RNF31: variants seen among roughly 807,000 people sequenced by gnomAD.
RNF31 encodes the protein E3 ubiquitin-protein ligase RNF31.
A neutral mutation model predicts 133.6 loss-of-function variants in RNF31; 38 were observed. The ratio of observed to expected loss-of-function variants is 0.28; its 90% CI spans 0.22 to 0.37. The LOEUF (loss-of-function observed/expected upper bound fraction) is 0.37, where lower values mean the gene tolerates loss of function less well. Ranked by LOEUF, RNF31 falls within the 10% of genes least tolerant of loss-of-function variation. The pLI, the probability that RNF31 is intolerant of heterozygous loss-of-function variation, is 1.00. For synonymous variants in RNF31, 582 were observed against 552.3 expected, an observed-to-expected ratio of 1.05 and a Z score of -0.75; for missense variants, 1,118 against 1,394.1, an observed-to-expected ratio of 0.80 and a Z score of 3.15.
intron 15 of RNF31, 55 bp downstream of exon 15, chr14:24,157,459 C>T: frequency 6.2e-7 from 1 of 1,603,520 alleles, no homozygotes; most frequent in East Asian, 2.2e-5. Flanking sequence ...GCCAGCAGCT[C>T]TCTTCCTGAG....
chr14:24,150,535 C>CCTGTATTT, intron 7 of RNF31, 63 bp from the exon 8 acceptor site: 1 of 1,577,984 alleles, frequency 6.3e-7, no homozygotes, highest in African/African-American at 1.3e-5. Flanking sequence ...CTCCCAACTC[C>CCTGTATTT]CTGTATTTCT....
rs540687617 is a variant in RNF31, at chr14:24,147,899, C to T, written c.192+9C>T. ...GCAACGCTCATGGGGAGGTGAGGCCCGGCCCCGCTTGGAAGGGGGACACCA... is the reference window on the plus strand; with the variant it reads ...GCAACGCTCATGGGGAGGTGAGGCCTGGCCCCGCTTGGAAGGGGGACACCA... On this transcript the variant is annotated intron_variant, in intron 1 of 20. Coordinates refer to ENST00000324103, the MANE Select transcript of RNF31 (RefSeq NM_017999.5). 5 of 1,612,176 alleles carry T rather than the reference C, an allele frequency of 3.1e-6. No individual in the cohort carries two copies. The highest frequency in any genetic ancestry group is 2.2e-5 in the East Asian group (1 of 44,848).
rs1368484846 is a variant in RNF31 at position 24,148,827 on chromosome 14, C to T, written c.582C>T (p.Pro194=). ...DDMLQLSEFD[P]LLREIAPGPL... The stretch of plus-strand genomic sequence containing the variant: ...TGCTGCAGCTTTCAGAATTTGACCC[C>T]CTATTGAGAGAGATTGCTCCTGGCC... Residue 194 remains proline (P), a synonymous_variant, in exon 5 of 21, where the codon CCC becomes CCT. Transcript: ENST00000324103. The T allele has an allele frequency of 1.2e-5, 19 of 1,613,994 alleles. No individual in the cohort carries two copies. Among genetic ancestry groups the T allele is most frequent in the African/African-American group, 2.7e-5 (2 of 74,894 alleles).
chr14:24,146,943 A>G, upstream of RNF31: 1 of 312,324 alleles, frequency 3.2e-6, no homozygotes, highest in South Asian at 3.7e-5. Flanking sequence ...GGGGGTATTC[A>G]GTGGCGGGGC....
intron 6 of RNF31, 108 bp from the exon 7 acceptor site, chr14:24,149,953 A>G (rs1309804281): frequency 7.5e-7 from 1 of 1,335,204 alleles, no homozygotes; most frequent in African/African-American, 1.5e-5. Flanking sequence ...CAATGTGTGC[A>G]AAGGCCAGTG....
Position 24,160,412 on chromosome 14 carries a change from A to G in RNF31, c.3165+5A>G. The G allele has an allele frequency of 6.2e-6, 10 of 1,613,298 alleles. No individual in the cohort carries two copies. Among genetic ancestry groups the G allele is most frequent in the Non-Finnish European group, 8.5e-6 (10 of 1,179,384 alleles). On this transcript the variant is annotated splice_donor_5th_base_variant and intron_variant, in intron 20 of 20. Coordinates refer to ENST00000324103, the MANE Select transcript of RNF31 (RefSeq NM_017999.5). This position sits in a 1 kb window ranked among gnomAD's most constrained non-coding sequence, Gnocchi z 4.0. ...TACCAGGCCCGCTTGTTACAGGTAT[A>G]GCCTCCACCCAGCCTCATCTCTTAA... is the stretch of plus-strand genomic sequence containing the variant.
Position 24,155,667 on chromosome 14 carries a change from CCTT to C in RNF31, c.2471_2473del (p.Phe824del). 6.2e-7 allele frequency: 1 copy of C among 1,614,162 alleles called. No individual in the cohort carries two copies. Among genetic ancestry groups the C allele is most frequent in the Non-Finnish European group, 8.5e-7 (1 of 1,180,010 alleles). ...GCAACTTGTCCCCAGTGTCACCAGA[CCTT>C]CTGTGTGCGCTGCAAGCGCCAGGTG... On this transcript the variant is annotated inframe_deletion, in exon 14 of 21. Transcript: ENST00000324103. The surrounding 1 kb of genome is among the most constrained non-coding windows in gnomAD (Gnocchi z 4.9).
intron 5 of RNF31, chr14:24,149,167 T>C: frequency 1.7e-6 from 1 of 595,918 alleles, no homozygotes; most frequent in Non-Finnish European, 3.0e-6. Context: ...TTCTCCATGT[T>C]GGTCAGGCTG....
In RNF31 at chr14:24,159,980, G is replaced by A; in HGVS notation, c.2996+20G>A. On this transcript the variant is annotated intron_variant, in intron 19 of 20. Transcript: ENST00000324103. The stretch of plus-strand genomic sequence containing the variant: ...GTGCCAGTGAGTGCCAGCAGGACAT[G>A]GGCATGGTGTTGGGCAGTGGGTAGA... The A allele has an allele frequency of 6.2e-7, 1 of 1,608,602 alleles. No individual in the cohort carries two copies. Among genetic ancestry groups the A allele is most frequent in the Non-Finnish European group, 8.5e-7 (1 of 1,176,856 alleles).
rs1363313799 is a variant in RNF31, at chr14:24,157,637, A to G, written c.2726A>G (p.Asn909Ser). 3.7e-6 allele frequency: 6 copies of G among 1,613,140 alleles called. No individual in the cohort carries two copies. The highest frequency in any genetic ancestry group is 1.1e-5 in the South Asian group (1 of 91,066). The change falls in exon 16 of 21, where the codon AAT (asparagine) becomes AGT (serine). Residue 909 changes from asparagine to serine, a missense_variant and splice_region_variant. By Grantham distance (46) the Asn-to-Ser change is conservative (BLOSUM62 1). Around this residue, in one of 3 missense-constraint regions of RNF31, gnomAD observed 201 missense variants for 371.7 expected, o/e 0.54. Coordinates refer to ENST00000324103, the MANE Select transcript of RNF31 (RefSeq NM_017999.5). ...SGCYNAFYAK[N>S]KCPEPNCRVK... The stretch of plus-strand genomic sequence containing the variant: ...TGCTACAATGCCTTTTACGCCAAGA[A>G]TGTAAGCCCAGAGAGTTGGGGAAGG...
intron 14 of RNF31, among the ~76,000 whole-genome samples, chr14:24,156,371 C>T (rs868162680): frequency 2.5e-4 from 38 of 152,336 alleles, no homozygotes; most frequent in African/African-American, 7.7e-4. Context: ...CTGGTGCAGT[C>T]ACAGCTCACT....
At chr14:24,157,203 A>G in intron 14 of RNF31, 87 bp from the exon 15 acceptor site, 1 of 941,536 alleles carries the variant, frequency 1.1e-6, no homozygotes, top group Admixed American at 2.7e-5. Flanking sequence ...CAAGCTGGGG[A>G]ACCACTGGAT....
intron 14 of RNF31, among the ~76,000 whole-genome samples, chr14:24,156,778 CAA>C (rs901356904): frequency 3.3e-5 from 4 of 122,254 alleles, no homozygotes; most frequent in Admixed American, 8.6e-5. Flanking sequence ...GACTCCATCT[CAA>C]AAAAAAAAAA....
At chr14:24,154,161 ATT>A (rs34626307) in intron 11 of RNF31, among the ~76,000 whole-genome samples, 2 of 145,760 alleles carry the variant, frequency 1.4e-5, no homozygotes, top group Non-Finnish European at 1.5e-5. Flanking sequence ...TGCCCGGCTA[ATT>A]TTTTTTTTTT....
rs1215535979 is a variant in RNF31 at position 24,150,271 on chromosome 14, A to G, written c.1020A>G (p.Gln340=). Residue 340 remains glutamine, a synonymous_variant, in exon 7 of 21, where the codon CAA becomes CAG. Transcript: ENST00000324103. ...KGLGLGTEGP[Q]GTGGLEPDLA... Reference sequence around the variant, plus strand: ...TGGGGTTGGGAACTGAGGGTCCCCAAGGAACTGGAGGCCTAGAACCTGATC... The same window carrying G: ...TGGGGTTGGGAACTGAGGGTCCCCAGGGAACTGGAGGCCTAGAACCTGATC... 6.2e-7 allele frequency: 1 copy of G among 1,614,088 alleles called. No individual in the cohort carries two copies. Among genetic ancestry groups the G allele is most frequent in the Non-Finnish European group, 8.5e-7 (1 of 1,179,996 alleles).
rs2038243809 is a variant in RNF31 at position 24,150,319 on chromosome 14, C to T, written c.1068C>T (p.Cys356=). ...EPDLARGRWA[C]QSCTFENEAA... is the part of the protein sequence containing the mutation. Reference sequence around the variant, plus strand: ...ATCTTGCACGGGGTCGGTGGGCCTGCCAGAGCTGTACCTTTGAGAATGAGG... The same window carrying T: ...ATCTTGCACGGGGTCGGTGGGCCTGTCAGAGCTGTACCTTTGAGAATGAGG... The change falls in exon 7 of 21, where the codon TGC becomes TGT. Residue 356 remains cysteine (C), a synonymous_variant. Transcript: ENST00000324103. 6.2e-7 allele frequency: 1 copy of T among 1,614,166 alleles called. No homozygotes were observed. The highest frequency in any genetic ancestry group is 8.5e-7 in the Non-Finnish European group (1 of 1,180,028).
In RNF31 at chr14:24,148,707, G is replaced by A. The variant is rs1187702635; in HGVS notation, c.555+6G>A. On this transcript the variant is annotated splice_donor_region_variant and intron_variant, in intron 4 of 20. Coordinates refer to ENST00000324103, the MANE Select transcript of RNF31 (RefSeq NM_017999.5). ...AAGACAAGGTTGAAGATGATGTAAG[G>A]AAGGCAGGAAAGGGGCTGGTGTACA... The A allele has an allele frequency of 2.5e-6, 4 of 1,614,072 alleles. No homozygotes were observed. The highest frequency in any genetic ancestry group is 1.3e-5 in the African/African-American group (1 of 74,932).
At chr14:24,159,325 C>T (rs1186923743) in intron 18 of RNF31, among the ~76,000 whole-genome samples, 3 of 140,748 alleles carry the variant, frequency 2.1e-5, no homozygotes, top group African/African-American at 8.6e-5. Flanking sequence ...CCAGTCCAGC[C>T]TGGGCAACAA....
chr14:24,155,145 C>T lies in RNF31; in HGVS notation c.2131-12C>T, dbSNP rs1236393545. On this transcript the variant is annotated splice_polypyrimidine_tract_variant and intron_variant, in intron 11 of 20. Coordinates refer to ENST00000324103, the MANE Select transcript of RNF31 (RefSeq NM_017999.5). The surrounding 1 kb of genome is among the most constrained non-coding windows in gnomAD (Gnocchi z 4.9). ...CTTCTGACCCCCTCCCCTCCAACCCCTCACCCTCCAGATGCAGGCCCTGAC... is the reference window on the plus strand; with the variant it reads ...CTTCTGACCCCCTCCCCTCCAACCCTTCACCCTCCAGATGCAGGCCCTGAC... The T allele has an allele frequency of 6.2e-7, 1 of 1,612,392 alleles. No individual in the cohort carries two copies. Among genetic ancestry groups the T allele is most frequent in the Admixed American group, 1.7e-5 (1 of 59,968 alleles).
Sources: gnomAD v4.1 joint callset for allele counts (sites outside exome capture counted in the v4.1 genomes callset) on GRCh38, gnomAD v4.1.1 for gene constraint, gnomAD v4.1.1 regional missense constraint, Gnocchi (gnomAD v3.1) non-coding constraint, MANE v1.5 for transcripts, NCBI Gene and HGNC (gene_info 2026-07-23, HGNC 2026-07-21) for gene names.